Variants in ASB15 observed in about 807,000 individuals in gnomAD.
ASB15 encodes the protein ankyrin repeat and SOCS box containing 15.
A neutral mutation model predicts 58.0 loss-of-function variants in ASB15; 54 were observed. The observed-to-expected ratio is 0.93, with a 90% CI of 0.75 to 1.17. The LOEUF is 1.17. Among genes scored for constraint, ASB15 ranks in the 50% most tolerant of loss-of-function variants. ASB15 has a pLI of 0.00. For synonymous variants in ASB15, 249 were observed against 262.4 expected (o/e 0.95, Z 0.50); for missense variants, 680 against 707.4 (o/e 0.96, Z 0.44).
At chr7:123,603,407 T>C (rs796890597) in intron 1 of ASB15, among the ~76,000 whole-genome samples, 59 of 152,330 alleles carry the variant, frequency 3.9e-4, no homozygotes, top group African/African-American at 1.2e-3. Context: ...CATAGATAAC[T>C]GTGCATTTGT....
In ASB15 at chr7:123,608,633, G is replaced by C. The variant is rs1381696220; in HGVS notation, c.-24G>C. On this transcript the variant is annotated 5_prime_UTR_variant, in exon 3 of 12. Transcript: ENST00000451215. ...AGAAAAGGCAAATACCATAAAGAAGGAATCGCTGTAACTTATTGCTTGTAA... is the reference window on the plus strand; with the variant it reads ...AGAAAAGGCAAATACCATAAAGAAGCAATCGCTGTAACTTATTGCTTGTAA... 1.3e-5 allele frequency: 2 copies of C among 152,132 alleles called. No individual in the cohort carries two copies. Among genetic ancestry groups the C allele is most frequent in the Non-Finnish European group, 2.9e-5 (2 of 68,014 alleles). 9.4% of individuals were successfully genotyped at this position (152,132 alleles called of 1,614,324 possible).
At chr7:123,575,890 T>C (rs554180843) in intron 1 of ASB15, among the ~76,000 whole-genome samples, 137 of 150,450 alleles carry the variant, frequency 9.1e-4, no homozygotes, top group Non-Finnish European at 5.0e-4. Context: ...TACTTTTCCC[T>C]GGCATGCATA....
intron 1 of ASB15, among the ~76,000 whole-genome samples, chr7:123,580,036 A>G (rs956296692): frequency 1.3e-5 from 2 of 152,082 alleles, no homozygotes; most frequent in Non-Finnish European, 2.9e-5. Context: ...CAAAATAAAT[A>G]TGATAGGGAA....
At chr7:123,602,537 GACTTC>G (rs1187943642) in intron 1 of ASB15, among the ~76,000 whole-genome samples, 10 of 152,116 alleles carry the variant, frequency 6.6e-5, no homozygotes, top group African/African-American at 2.4e-4. Flanking sequence ...AAAATGATTT[GACTTC>G]CACGAAGTAA....
At chr7:123,619,179 CAAAAAAAA>C (rs528943780) in intron 7 of ASB15, among the ~76,000 whole-genome samples, 17 of 55,260 alleles carry the variant, frequency 3.1e-4, no homozygotes, top group African/African-American at 1.2e-3. Flanking sequence ...GACGCCGTCT[CAAAAAAAA>C]AAAAAAAAAA....
At chr7:123,628,465 A>G (rs1653683160) in intron 9 of ASB15, among the ~76,000 whole-genome samples, 1 of 152,160 alleles carries the variant, frequency 6.6e-6, no homozygotes, top group Admixed American at 6.5e-5. Context: ...CATGATCCTA[A>G]TGGTCAAGAT....
intron 11 of ASB15, among the ~76,000 whole-genome samples, chr7:123,630,576 G>A (rs933661628): frequency 2.0e-5 from 3 of 151,976 alleles, no homozygotes; most frequent in African/African-American, 7.2e-5. Context: ...TATTGACAAA[G>A]TCCTACCATC....
At chr7:123,577,974 T>C (rs1002666438) in intron 1 of ASB15, among the ~76,000 whole-genome samples, 8 of 151,786 alleles carry the variant, frequency 5.3e-5, no homozygotes, top group African/African-American at 1.9e-4. Context: ...ACACGTGCCA[T>C]GGTGATTTGC....
chr7:123,632,080 A>AAATAATAAT (rs373227752), intron 11 of ASB15, among the ~76,000 whole-genome samples: 1 of 151,650 alleles, frequency 6.6e-6, no homozygotes, highest in East Asian at 1.9e-4. Flanking sequence ...TCCATCTCAA[A>AAATAATAAT]AATAATAATA....
intron 1 of ASB15, among the ~76,000 whole-genome samples, chr7:123,589,005 A>G (rs57815508): frequency 0.29 from 44,620 of 151,568 alleles, 6,712 homozygotes; most frequent in East Asian, 0.4. Context: ...CCTGGAGAAT[A>G]TTCTATGTCC....
intron 4 of ASB15, 68 bp downstream of exon 4, chr7:123,614,677 G>C (rs1800685038): frequency 3.9e-6 from 4 of 1,015,710 alleles, no homozygotes; most frequent in Non-Finnish European, 6.1e-6. Context: ...AAGATAAAAT[G>C]AATACCGTTT....
intron 7 of ASB15, among the ~76,000 whole-genome samples, chr7:123,619,331 G>A (rs865804229): frequency 3.9e-5 from 6 of 151,948 alleles, no homozygotes; most frequent in African/African-American, 1.5e-4. Flanking sequence ...TGTTATAAGT[G>A]CTATAATAAA....
chr7:123,604,691 T>C (rs1009639294), intron 2 of ASB15, among the ~76,000 whole-genome samples: 6 of 152,214 alleles, frequency 3.9e-5, no homozygotes, highest in Admixed American at 3.3e-4. Flanking sequence ...GGGCATGTTG[T>C]AAATAAAATT....
chr7:123,589,847 G>A (rs189168809), intron 1 of ASB15, among the ~76,000 whole-genome samples: 53 of 152,254 alleles, frequency 3.5e-4, no homozygotes, highest in African/African-American at 1.2e-3. Flanking sequence ...TAATGGGATC[G>A]CTAAGTCAAA....
intron 1 of ASB15, among the ~76,000 whole-genome samples, chr7:123,595,314 C>T (rs1799663144): frequency 6.6e-6 from 1 of 152,196 alleles, no homozygotes; most frequent in East Asian, 1.9e-4. Flanking sequence ...CATTTGTTCT[C>T]TGGTTGATCC....
intron 1 of ASB15, among the ~76,000 whole-genome samples, chr7:123,594,772 T>C (rs749733142): frequency 6.6e-6 from 1 of 152,260 alleles, no homozygotes; most frequent in Non-Finnish European, 1.5e-5. Flanking sequence ...GTCTGTCCAT[T>C]ATTGGATCTC....
intron 8 of ASB15, among the ~76,000 whole-genome samples, chr7:123,625,790 C>T (rs1012360948): frequency 2.0e-5 from 3 of 152,196 alleles, no homozygotes; most frequent in Admixed American, 1.3e-4. Context: ...TGGTCCTCAG[C>T]GTCCTCATCT....
intron 11 of ASB15, among the ~76,000 whole-genome samples, chr7:123,634,279 C>T (rs1346991991): frequency 1.3e-5 from 2 of 152,040 alleles, no homozygotes; most frequent in African/African-American, 2.4e-5. Flanking sequence ...TCAGCTCCCA[C>T]TTATAAGTGA....
rs1802524927 is a variant in ASB15, at chr7:123,638,453, T to A, written c.*1472T>A. On this transcript the variant is annotated 3_prime_UTR_variant, in exon 12 of 12. Coordinates refer to ENST00000451215, the MANE Select transcript of ASB15 (RefSeq NM_001290258.2). ...TTTTTCAAAAAGAGTCATTAAAAAATACCATCTACTATCACCATCATTTCA... is the reference window on the plus strand; with the variant it reads ...TTTTTCAAAAAGAGTCATTAAAAAAAACCATCTACTATCACCATCATTTCA... 1 of 152,184 alleles carries A rather than the reference T, an allele frequency of 6.6e-6. No individual in the cohort carries two copies. Among genetic ancestry groups the A allele is most frequent in the South Asian group, 2.1e-4 (1 of 4,830 alleles). The allele number at this position is 152,184 out of a possible 1,614,324, so 9.4% of individuals were successfully genotyped here. A position where few individuals can be genotyped will look rare whatever the true frequency, so the allele number is the denominator to read the frequency against.
Sources: gnomAD v4.1 joint callset for allele counts (sites outside exome capture counted in the v4.1 genomes callset) on GRCh38, gnomAD v4.1.1 for gene constraint, MANE v1.5 for transcripts, NCBI Gene and HGNC (gene_info 2026-07-23, HGNC 2026-07-21) for gene names.